SORCS3: variants seen among roughly 807,000 people sequenced by gnomAD.
SORCS3 encodes the protein VPS10 domain-containing receptor SorCS3.
SORCS3 carries 57 observed loss-of-function variants against 146.3 expected under a neutral mutation model. The observed-to-expected ratio is 0.39, with a 90% CI of 0.31 to 0.49. The LOEUF is 0.49. Among genes scored for constraint, SORCS3 ranks in the 20% least tolerant of loss-of-function variants. The pLI is 0.92. For synonymous variants in SORCS3, 653 were observed against 618.5 expected, an observed-to-expected ratio of 1.06 and a Z score of -0.83; for missense variants, 1,341 against 1,575.5, an observed-to-expected ratio of 0.85 and a Z score of 2.52.
chr10:104,765,589 CA>C (rs2017170342), intron 1 of SORCS3, among the ~76,000 whole-genome samples: 1 of 152,206 alleles, frequency 6.6e-6, no homozygotes, highest in African/African-American at 2.4e-5. Context: ...ACTTTGTCAA[CA>C]AGGCTGACAT....
chr10:105,048,855 C>G (rs1198176867), intron 5 of SORCS3, among the ~76,000 whole-genome samples: 1 of 151,938 alleles, frequency 6.6e-6, no homozygotes, highest in Non-Finnish European at 1.5e-5. Context: ...GTATAATCTG[C>G]CTTTCTCTTC....
Position 104,921,503 on chromosome 10 carries a change from C to CTCTG in SORCS3, c.795+5572_795+5573insCTGT, listed in dbSNP as rs1481936605. 8.4e-4 allele frequency among the ~76,000 whole-genome samples: 121 copies of CTCTG among 143,588 alleles called. 1 individual carries two copies. In the East Asian group the frequency reaches 0.013, roughly 15 times the overall value. 94.2% of individuals were successfully genotyped at this position (143,588 alleles called of 152,430 possible). ...GGTACATGTCTCTCTCTCTCTCTCT[C>CTCTG]TGTGTGTGTGTGTGTGTGTGTGTGT... On this transcript the variant is annotated intron_variant, in intron 3 of 26. Transcript: ENST00000369701.
At chr10:104,694,690 T>G (rs1564660508) in intron 1 of SORCS3, among the ~76,000 whole-genome samples, 1 of 152,296 alleles carries the variant, frequency 6.6e-6, no homozygotes, top group African/African-American at 2.4e-5. Context: ...CTGTTATGGC[T>G]GCAGTATAGC....
At chr10:104,867,309 A>AT (rs1258978078) in intron 2 of SORCS3, among the ~76,000 whole-genome samples, 2,791 of 138,286 alleles carry the variant, frequency 0.02, 50 homozygotes, top group Admixed American at 0.033. Flanking sequence ...CCAGTGTACA[A>AT]TTTTTTTTTT....
intron 2 of SORCS3, among the ~76,000 whole-genome samples, chr10:104,856,776 TA>T (rs2018339045): frequency 1.4e-5 from 2 of 144,844 alleles, no homozygotes; most frequent in African/African-American, 5.0e-5. Flanking sequence ...ATATAATATA[TA>T]AAAATATATT....
intron 1 of SORCS3, among the ~76,000 whole-genome samples, chr10:104,699,143 GT>G (rs773896609): frequency 3.3e-5 from 5 of 152,106 alleles, no homozygotes; most frequent in Non-Finnish European, 5.9e-5. Flanking sequence ...AGTCCCAAGG[GT>G]TTAGGTATAA....
intron 23 of SORCS3, among the ~76,000 whole-genome samples, chr10:105,254,420 C>T (rs747233187): frequency 6.6e-6 from 1 of 152,166 alleles, no homozygotes; most frequent in Non-Finnish European, 1.5e-5. Context: ...AGCTCTAATT[C>T]ACCAGTGACT....
chr10:105,241,379 G>A (rs987709042), intron 20 of SORCS3, among the ~76,000 whole-genome samples: 4 of 152,228 alleles, frequency 2.6e-5, no homozygotes, highest in Admixed American at 1.3e-4. Flanking sequence ...AGCCCCAGGT[G>A]AGGGTGCTCA....
intron 12 of SORCS3, among the ~76,000 whole-genome samples, chr10:105,164,654 CTGTGCTGGTTGCT>C: frequency 6.6e-6 from 1 of 152,166 alleles, no homozygotes; most frequent in Admixed American, 6.5e-5. Context: ...ATGCTAAGTA[CTGTGCTGGTTGCT>C]GGGGATACAA....
chr10:104,977,281 A>G (rs1471007104), intron 3 of SORCS3, 54 bp from the exon 4 acceptor site: 3 of 1,383,258 alleles, frequency 2.2e-6, no homozygotes, highest in East Asian at 2.4e-5. Flanking sequence ...AAGTTATTAT[A>G]TTTATTATTT....
chr10:105,015,564 C>G (rs2133684264), intron 4 of SORCS3, among the ~76,000 whole-genome samples: 1 of 152,104 alleles, frequency 6.6e-6, no homozygotes, highest in Middle Eastern at 3.4e-3. Flanking sequence ...ACAAGCAATG[C>G]CTGACAATAT....
intron 1 of SORCS3, among the ~76,000 whole-genome samples, chr10:104,726,574 T>C (rs2016636912): frequency 6.6e-6 from 1 of 152,130 alleles, no homozygotes; most frequent in Middle Eastern, 3.4e-3. Context: ...TCCCACCATA[T>C]GACGACCCCC....
chr10:104,786,727 C>T (rs989949672), intron 1 of SORCS3, among the ~76,000 whole-genome samples: 1 of 152,128 alleles, frequency 6.6e-6, no homozygotes, highest in Non-Finnish European at 1.5e-5. Flanking sequence ...GTCCTTGCCT[C>T]TGTGGGTACT....
intron 1 of SORCS3, among the ~76,000 whole-genome samples, chr10:104,706,940 C>A (rs902540242): frequency 6.6e-6 from 1 of 152,170 alleles, no homozygotes; most frequent in African/African-American, 2.4e-5. Context: ...TCAGCTCTTG[C>A]AATCTAGGGA....
chr10:105,249,943 C>A (rs2056889213), intron 22 of SORCS3, among the ~76,000 whole-genome samples: 1 of 151,878 alleles, frequency 6.6e-6, no homozygotes, highest in Admixed American at 6.6e-5. Flanking sequence ...GTTATGTATG[C>A]TGTGTTAGTC....
chr10:104,813,981 A>T lies in SORCS3; in HGVS notation c.628-28811A>T, dbSNP rs193105432. Among the ~76,000 whole-genome samples the T allele has an allele frequency of 4.9e-4, 73 of 149,492 alleles. 2 individuals carry two copies. In the East Asian group the frequency reaches 0.012, roughly 25 times the overall value. On this transcript the variant is annotated intron_variant, in intron 1 of 26. Transcript: ENST00000369701. Reference sequence around the variant, plus strand: ...TGTGGTCTTTAAGAATAGTTTAGGAAGACTTATGTTTTTTTCCCCCTATTC... The same window carrying T: ...TGTGGTCTTTAAGAATAGTTTAGGATGACTTATGTTTTTTTCCCCCTATTC...
chr10:104,988,728 T>C (rs2054976193), intron 4 of SORCS3, among the ~76,000 whole-genome samples: 1 of 152,344 alleles, frequency 6.6e-6, no homozygotes, highest in African/African-American at 2.4e-5. Flanking sequence ...ATATGTATTA[T>C]GCTTTAAATG....
rs1564702164 is a variant in SORCS3 at position 104,869,330 on chromosome 10, A to G, written c.695+26471A>G. 2.0e-5 allele frequency among the ~76,000 whole-genome samples: 3 copies of G among 152,180 alleles called. No homozygotes were observed. The East Asian group carries it at 5.8e-4, about 29-fold the overall frequency. On this transcript the variant is annotated intron_variant, in intron 2 of 26. Transcript: ENST00000369701. Reference sequence around the variant, plus strand: ...GTGTGAGTTCTAGTCCAAGGACAGGAGAAGACTAATGTTGAAGATCAAACA... The same window carrying G: ...GTGTGAGTTCTAGTCCAAGGACAGGGGAAGACTAATGTTGAAGATCAAACA...
At chr10:104,968,939 C>G (rs2054842601) in intron 3 of SORCS3, among the ~76,000 whole-genome samples, 1 of 152,128 alleles carries the variant, frequency 6.6e-6, no homozygotes, top group South Asian at 2.1e-4. Flanking sequence ...CTCACCAGTC[C>G]CTGTCTTGGC....
Sources: gnomAD v4.1 joint callset for allele counts (sites outside exome capture counted in the v4.1 genomes callset) on GRCh38, gnomAD v4.1.1 for gene constraint, MANE v1.5 for transcripts, NCBI Gene and HGNC (gene_info 2026-07-23, HGNC 2026-07-21) for gene names.